The following CENPK variants were observed in gnomAD, a reference collection of about 807,000 sequenced individuals.
CENPK encodes centromere protein K.
Under a neutral mutation model 40.9 loss-of-function variants are expected in CENPK, and 46 were observed. That is an observed-to-expected ratio of 1.13 (90% CI 0.89 to 1.44). The LOEUF (loss-of-function observed/expected upper bound fraction) is 1.44, where lower values mean the gene tolerates loss of function less well. CENPK is among the 40% of genes most tolerant of loss of function. The probability of loss-of-function intolerance (pLI) is 0.00; values close to 1 mark genes in which losing one functional copy is unlikely to be tolerated. For synonymous variants in CENPK, 107 were observed against 104.4 expected, an observed-to-expected ratio of 1.02 and a Z score of -0.15; for missense variants, 288 against 303.5, an observed-to-expected ratio of 0.95 and a Z score of 0.38.
rs753974698 is a variant in CENPK at position 65,529,094 on chromosome 5, T to C, written c.371+23A>G. ...TCACTTAATATATATGAATGATTAA[T>C]AGTAATTGTAACATAAACAAACCTT... On this transcript the variant is annotated intron_variant, in intron 7 of 10. Transcript: ENST00000396679. 3.9e-6 allele frequency: 6 copies of C among 1,552,292 alleles called. No individual in the cohort carries two copies. In the Admixed American group the frequency reaches 8.6e-5, roughly 22 times the overall value.
chr5:65,551,951 C>T (rs1398712252), intron 4 of CENPK, among the ~76,000 whole-genome samples: 1 of 150,234 alleles, frequency 6.7e-6, no homozygotes, highest in East Asian at 1.9e-4. Flanking sequence ...AGTTAGCCGC[C>T]TTTGTTCTAT....
chr5:65,533,031 A>G (rs2150396684), intron 6 of CENPK, among the ~76,000 whole-genome samples: 1 of 152,180 alleles, frequency 6.6e-6, no homozygotes, highest in South Asian at 2.1e-4. Context: ...AGGAAGAGTA[A>G]GTGACAAAAT....
chr5:65,514,825 T>C (rs1223221605), downstream of CENPK, among the ~76,000 whole-genome samples: 1 of 152,240 alleles, frequency 6.6e-6, no homozygotes, highest in Non-Finnish European at 1.5e-5. Flanking sequence ...TCATCTGTTA[T>C]CAAATTTGTA....
chr5:65,545,324 GCACACACA>G (rs869192025), intron 5 of CENPK, among the ~76,000 whole-genome samples: 5,095 of 64,230 alleles, frequency 0.079, 233 homozygotes, highest in African/African-American at 0.11. Context: ...CTCAAAGCGC[GCACACACA>G]CACACACACA....
Position 65,541,997 on chromosome 5 carries a change from C to T in CENPK, c.288+805G>A, listed in dbSNP as rs967919885. Among the ~76,000 whole-genome samples, 11 of 152,268 alleles carry T rather than the reference C, an allele frequency of 7.2e-5. No homozygotes were observed. In the South Asian group the frequency reaches 1.0e-3, roughly 14 times the overall value. ...AGGGCTCACCTCTTCACAGACAGTA[C>T]CTTCTAGTTGTGTCCTCACAAGATG... On this transcript the variant is annotated intron_variant, in intron 6 of 10. Transcript: ENST00000396679.
Position 65,561,506 on chromosome 5 carries a change from G to T in CENPK, c.-83C>A. On this transcript the variant is annotated 5_prime_UTR_variant, in exon 2 of 11. Transcript: ENST00000396679. ...GTAAGCTGTATGTAACCTGGAAGAGGGTCATCAACAGAACCAGAAAATGAT... is the reference window on the plus strand; with the variant it reads ...GTAAGCTGTATGTAACCTGGAAGAGTGTCATCAACAGAACCAGAAAATGAT... 2.2e-6 allele frequency: 1 copy of T among 455,738 alleles called. No individual in the cohort carries two copies. 28.2% of individuals were successfully genotyped at this position (455,738 alleles called of 1,614,324 possible). A position where few individuals can be genotyped will look rare whatever the true frequency, so the allele number is the denominator to read the frequency against.
chr5:65,560,399 TG>T (rs1751760719), intron 2 of CENPK, among the ~76,000 whole-genome samples: 1 of 152,152 alleles, frequency 6.6e-6, no homozygotes, highest in Admixed American at 6.5e-5. Flanking sequence ...GGGTTGTGGC[TG>T]GGATGGGCCA....
intron 6 of CENPK, among the ~76,000 whole-genome samples, chr5:65,530,301 A>G (rs1265359525): frequency 6.6e-6 from 1 of 152,206 alleles, no homozygotes; most frequent in Non-Finnish European, 1.5e-5. Flanking sequence ...CAAGTGTCAT[A>G]AAGAAAAAAA....
chr5:65,519,156 T>C (rs1055691593), intron 10 of CENPK, among the ~76,000 whole-genome samples: 1 of 152,144 alleles, frequency 6.6e-6, no homozygotes, highest in Non-Finnish European at 1.5e-5. Context: ...AAACCACAAA[T>C]TGAGTTTTGA....
chr5:65,534,822 T>C (rs976698141), intron 6 of CENPK, among the ~76,000 whole-genome samples: 3 of 152,134 alleles, frequency 2.0e-5, no homozygotes, highest in African/African-American at 7.2e-5. Context: ...TGATTCTGAG[T>C]TGGGCAAACA....
chr5:65,528,697 T>C (rs1745186199), intron 8 of CENPK, 119 bp from the exon 9 acceptor site: 1 of 1,254,172 alleles, frequency 8.0e-7, no homozygotes, highest in African/African-American at 1.5e-5. Flanking sequence ...TCAAACCAAA[T>C]AACTACCTTT....
At position 65,554,838 on chromosome 5, in the gene CENPK, GTTC is replaced by G. The variant is rs1347528124; in HGVS notation, c.67_69del (p.Glu23del). On this transcript the variant is annotated inframe_deletion, in exon 3 of 11. Coordinates refer to ENST00000396679, the MANE Select transcript of CENPK (RefSeq NM_022145.5). ...CACATTTCTTCACATTCTCTAATAA[GTTC>G]TTCTTCAGTATTTGTAACATCTCCC... 4.4e-6 allele frequency: 7 copies of G among 1,602,764 alleles called. No individual in the cohort carries two copies. Among genetic ancestry groups the G allele is most frequent in the African/African-American group, 4.0e-5 (3 of 74,616 alleles).
intron 3 of CENPK, among the ~76,000 whole-genome samples, chr5:65,553,274 T>C (rs1422447610): frequency 6.6e-6 from 1 of 152,054 alleles, no homozygotes; most frequent in Non-Finnish European, 1.5e-5. Flanking sequence ...CTGTGCCCTA[T>C]CTTTTGGCTT....
intron 9 of CENPK, among the ~76,000 whole-genome samples, chr5:65,523,465 C>G (rs786528): frequency 0.61 from 91,884 of 151,632 alleles, 28,500 homozygotes; most frequent in East Asian, 0.79. Flanking sequence ...ATATATTAAA[C>G]AAATAGTAAA....
intron 2 of CENPK, 121 bp from the exon 3 acceptor site, chr5:65,555,067 T>C: frequency 1.8e-6 from 1 of 568,764 alleles, no homozygotes; most frequent in Non-Finnish European, 3.1e-6. Context: ...CCTCCTACCG[T>C]GAACCTTATT....
intron 5 of CENPK, among the ~76,000 whole-genome samples, chr5:65,545,466 T>G (rs982115020): frequency 6.6e-6 from 1 of 151,944 alleles, no homozygotes; most frequent in Non-Finnish European, 1.5e-5. Context: ...GGCACATTTT[T>G]AAGTGCTAAA....
intron 6 of CENPK, chr5:65,541,243 C>T (rs1747922146): frequency 2.7e-6 from 1 of 370,194 alleles, no homozygotes; most frequent in Non-Finnish European, 5.6e-6. Context: ...ATGGAAACCC[C>T]TGATTTATAG....
intron 6 of CENPK, among the ~76,000 whole-genome samples, chr5:65,534,746 A>C (rs775278470): frequency 1.3e-5 from 2 of 152,256 alleles, no homozygotes; most frequent in South Asian, 2.1e-4. Context: ...AAAATGGATC[A>C]TGAACCTAAA....
chr5:65,551,770 A>G (rs565714566), intron 4 of CENPK, 134 bp from the exon 5 acceptor site: 1 of 445,884 alleles, frequency 2.2e-6, no homozygotes, highest in East Asian at 3.5e-5. Flanking sequence ...CTCCAGAGGC[A>G]ACTTTATTTT....
Sources: allele counts gnomAD v4.1 joint callset (sites outside exome capture counted in the v4.1 genomes callset), GRCh38; gene constraint gnomAD v4.1.1; transcripts MANE v1.5; gene names NCBI Gene and HGNC (gene_info 2026-07-23, HGNC 2026-07-21).